The following PCDH11Y variants were observed in gnomAD, a reference collection of about 807,000 sequenced individuals.
PCDH11Y encodes the protein protocadherin-11 Y-linked.
For synonymous variants in PCDH11Y, 9 were observed against 83.6 expected, an observed-to-expected ratio of 0.11 and a Z score of 4.87; for missense variants, 12 against 224.8, an observed-to-expected ratio of 0.05 and a Z score of 6.05.
intron 2 of PCDH11Y, among the ~76,000 whole-genome samples, chrY:5,290,253 A>G: frequency 3.1e-5 from 1 of 32,745 alleles, no homozygotes; most frequent in Admixed American, 2.8e-4. Context: ...ATTTCTATTC[A>G]GAAATGTCTA....
chrY:5,597,630 A>C, intron 4 of PCDH11Y, among the ~76,000 whole-genome samples: 1 of 30,513 alleles, frequency 3.3e-5, no homozygotes, highest in Non-Finnish European at 7.8e-5. Flanking sequence ...ATACCATGGA[A>C]CACTACTCAG....
intron 1 of PCDH11Y, among the ~76,000 whole-genome samples, chrY:5,071,284 A>G: frequency 8.9e-5 from 2 of 22,359 alleles, no homozygotes; most frequent in African/African-American, 3.5e-4. Flanking sequence ...TCAGAAGTTA[A>G]TAATCAAATT....
intron 2 of PCDH11Y, among the ~76,000 whole-genome samples, chrY:5,124,818 T>G: frequency 3.1e-5 from 1 of 32,177 alleles, no homozygotes; most frequent in Non-Finnish European, 7.6e-5. Flanking sequence ...TTGGATTGAT[T>G]CCCTTCAAAT....
chrY:5,244,825 T>C, intron 2 of PCDH11Y, among the ~76,000 whole-genome samples: 1 of 33,680 alleles, frequency 3.0e-5, no homozygotes, highest in South Asian at 6.6e-4. Flanking sequence ...GCAACCAGCA[T>C]TGGGACTAAT....
At chrY:5,444,433 A>C in intron 2 of PCDH11Y, among the ~76,000 whole-genome samples, 2 of 33,179 alleles carry the variant, frequency 6.0e-5, no homozygotes, top group Non-Finnish European at 1.5e-4. Context: ...AACTGTGAAC[A>C]GTCATTTCAA....
intron 2 of PCDH11Y, among the ~76,000 whole-genome samples, chrY:5,374,893 T>C: frequency 3.0e-5 from 1 of 33,660 alleles, no homozygotes; most frequent in South Asian, 6.5e-4. Flanking sequence ...TAAAGTAGCC[T>C]GTACTTTATT....
At chrY:5,069,626 T>G in intron 1 of PCDH11Y, among the ~76,000 whole-genome samples, 7 of 30,897 alleles carry the variant, frequency 2.3e-4, no homozygotes, top group Non-Finnish European at 3.9e-4. Flanking sequence ...TTTTTGTTTT[T>G]TTTTTTTCTT....
chrY:5,144,270 A>G, intron 2 of PCDH11Y, among the ~76,000 whole-genome samples: 1 of 32,890 alleles, frequency 3.0e-5, no homozygotes, highest in Non-Finnish European at 7.5e-5. Flanking sequence ...TCTCATAAAT[A>G]TAATTCTACT....
At chrY:5,143,239 C>T in intron 2 of PCDH11Y, among the ~76,000 whole-genome samples, 3 of 32,382 alleles carry the variant, frequency 9.3e-5, no homozygotes, top group Non-Finnish European at 2.3e-4. Context: ...CTCCTTGTCA[C>T]ATTCTTAGGT....
chrY:5,643,080 T>C, intron 4 of PCDH11Y, among the ~76,000 whole-genome samples: 2 of 33,276 alleles, frequency 6.0e-5, no homozygotes, highest in Non-Finnish European at 1.5e-4. Context: ...CAATCCATCA[T>C]ACATTTGTTT....
chrY:5,477,363 C>T, intron 2 of PCDH11Y, among the ~76,000 whole-genome samples: 1 of 30,538 alleles, frequency 3.3e-5, no homozygotes, highest in Non-Finnish European at 7.9e-5. Flanking sequence ...ATGAAGCTGA[C>T]TTGATCATGG....
At chrY:5,367,425 G>A in intron 2 of PCDH11Y, among the ~76,000 whole-genome samples, 3 of 19,181 alleles carry the variant, frequency 1.6e-4, no homozygotes, top group African/African-American at 4.2e-4. Context: ...TCGCCCAGGT[G>A]GGACTGCGGA....
intron 3 of PCDH11Y, among the ~76,000 whole-genome samples, chrY:5,540,745 A>C (rs4020642): frequency 7.0e-5 from 1 of 14,365 alleles, no homozygotes; most frequent in East Asian, 5.5e-3. Context: ...CATTATTGCT[A>C]TTAGTACCAG....
intron 4 of PCDH11Y, among the ~76,000 whole-genome samples, chrY:5,648,022 GCATA>G (rs2053528679): frequency 3.0e-5 from 1 of 33,102 alleles, no homozygotes; most frequent in East Asian, 7.9e-4. Context: ...ACCTACAAAT[GCATA>G]CTGTAACTCT....
chrY:5,339,473 T>C, intron 2 of PCDH11Y, among the ~76,000 whole-genome samples: 1 of 32,042 alleles, frequency 3.1e-5, no homozygotes, highest in Non-Finnish European at 7.6e-5. Context: ...TGTCTCAGCC[T>C]CCCCGAGTAG....
chrY:5,392,369 CAAAAAAA>C (rs56793888), intron 2 of PCDH11Y, among the ~76,000 whole-genome samples: 1 of 5,350 alleles, frequency 1.9e-4, no homozygotes, highest in Non-Finnish European at 3.8e-4. Flanking sequence ...GACTCCGTCT[CAAAAAAA>C]AAAAAAAAAA....
chrY:5,515,479 A>T, intron 3 of PCDH11Y, among the ~76,000 whole-genome samples: 13 of 33,494 alleles, frequency 3.9e-4, no homozygotes, highest in African/African-American at 1.5e-3. Context: ...AATCAATATC[A>T]TTAAAATGAC....
rs796246771 is a variant in PCDH11Y, at chrY:5,178,429, TTATTTAGAAG to T, written c.3129+77724_3129+77733del. ...GTAAAATCAGTTTGTTACTTTGCTGTTATTTAGAAGTGAGGTCTAGAAGTCAGAGAGTTTC... is the reference window on the plus strand; with the variant it reads ...GTAAAATCAGTTTGTTACTTTGCTGTTGAGGTCTAGAAGTCAGAGAGTTTC... On this transcript the variant is annotated intron_variant, in intron 2 of 4. Coordinates refer to the PCDH11Y transcript ENST00000400457. Among the ~76,000 whole-genome samples, 181 of 32,620 alleles carry T rather than the reference TTATTTAGAAG, an allele frequency of 5.5e-3. No homozygotes were observed. In the East Asian group the frequency reaches 0.14, roughly 25 times the overall value. 87.5% of individuals were successfully genotyped at this position (32,620 alleles called of 37,273 possible). A position where few individuals can be genotyped will look rare whatever the true frequency, so the allele number is the denominator to read the frequency against.
At chrY:5,337,632 C>G in intron 2 of PCDH11Y, 3 of 124,418 alleles carry the variant, frequency 2.4e-5, no homozygotes, top group Non-Finnish European at 3.5e-5. Context: ...GACATTTATT[C>G]AAAGAAAAAA....
Sources: gnomAD v4.1 joint callset for allele counts (sites outside exome capture counted in the v4.1 genomes callset) on GRCh38, gnomAD v4.1.1 for gene constraint, MANE v1.5 for transcripts, NCBI Gene and HGNC (gene_info 2026-07-23, HGNC 2026-07-21) for gene names.